BBS9: variants seen among roughly 807,000 people sequenced by gnomAD.
The protein encoded by BBS9 is protein PTHB1.
BBS9 carries 89 observed loss-of-function variants against 117.7 expected under a neutral mutation model. That is an observed-to-expected ratio of 0.76 (90% CI 0.64 to 0.90). The LOEUF (loss-of-function observed/expected upper bound fraction) is 0.90. BBS9 is among the 40% of genes least tolerant of loss of function. The pLI is 0.00. For missense variants in BBS9, 982 were observed against 1,042.2 expected (o/e 0.94, Z 0.80); for synonymous variants, 379 against 370.9 (o/e 1.02, Z -0.25).
At chr7:33,580,057 C>T (rs911065567) in intron 21 of BBS9, among the ~76,000 whole-genome samples, 2 of 151,852 alleles carry the variant, frequency 1.3e-5, no homozygotes, top group African/African-American at 4.8e-5. Flanking sequence ...CCTGGCATAT[C>T]CTTATGGGAA....
intron 21 of BBS9, among the ~76,000 whole-genome samples, chr7:33,543,347 C>G (rs1248553803): frequency 6.7e-6 from 1 of 150,244 alleles, no homozygotes; most frequent in Non-Finnish European, 1.5e-5. Flanking sequence ...GTCGTAGATT[C>G]TGGATATTAC....
chr7:33,344,247 A>G (rs868382223), intron 11 of BBS9, among the ~76,000 whole-genome samples: 3 of 150,008 alleles, frequency 2.0e-5, no homozygotes, highest in Middle Eastern at 3.5e-3. Context: ...GGGCCCGGCT[A>G]ATTTTTTGTA....
chr7:33,452,748 T>C (rs1018049527), intron 19 of BBS9, among the ~76,000 whole-genome samples: 1 of 152,206 alleles, frequency 6.6e-6, no homozygotes, highest in African/African-American at 2.4e-5. Context: ...GGGAACACAC[T>C]GTAGCAACAG....
intron 19 of BBS9, among the ~76,000 whole-genome samples, chr7:33,459,019 T>C (rs1248904797): frequency 2.6e-5 from 4 of 152,084 alleles, no homozygotes; most frequent in African/African-American, 9.7e-5. Context: ...GCCATGAGGC[T>C]TGTTGGCAGC....
At chr7:33,358,316 T>A (rs1256300995) in intron 16 of BBS9, among the ~76,000 whole-genome samples, 1 of 151,856 alleles carries the variant, frequency 6.6e-6, no homozygotes, top group Non-Finnish European at 1.5e-5. Flanking sequence ...TTCATCTTTA[T>A]GGTAGGTTTT....
chr7:33,529,570 G>T (rs187527767), intron 20 of BBS9, among the ~76,000 whole-genome samples: 1 of 152,252 alleles, frequency 6.6e-6, no homozygotes, highest in East Asian at 1.9e-4. Context: ...AGTGTAACAT[G>T]CACATTTAAC....
At chr7:33,345,516 A>G (rs1021050994) in intron 12 of BBS9, among the ~76,000 whole-genome samples, 30 of 152,282 alleles carry the variant, frequency 2.0e-4, no homozygotes, top group Non-Finnish European at 3.8e-4. Flanking sequence ...GGGTGGCCCA[A>G]ATGTGGAGAT....
intron 17 of BBS9, among the ~76,000 whole-genome samples, chr7:33,383,020 A>G (rs1333292581): frequency 2.0e-5 from 3 of 152,108 alleles, no homozygotes; most frequent in Non-Finnish European, 4.4e-5. Context: ...TGTTATTACC[A>G]CCTCTCTTAC....
chr7:33,593,714 T>G (rs1470845978), intron 21 of BBS9, among the ~76,000 whole-genome samples: 2 of 151,790 alleles, frequency 1.3e-5, no homozygotes, highest in African/African-American at 2.4e-5. Context: ...TGGTAGGGGG[T>G]CGCAATGCAC....
chr7:33,143,403 T>G (rs1418013410), intron 1 of BBS9, among the ~76,000 whole-genome samples: 1 of 152,186 alleles, frequency 6.6e-6, no homozygotes, highest in Non-Finnish European at 1.5e-5. Flanking sequence ...TGTTTTTTTC[T>G]TCTTGCAATC....
chr7:33,518,835 G>T (rs1004996552), intron 20 of BBS9, among the ~76,000 whole-genome samples: 2 of 152,120 alleles, frequency 1.3e-5, no homozygotes, highest in African/African-American at 4.8e-5. Context: ...ATCTTAGCTT[G>T]ATAGCTGTGA....
At chr7:33,247,078 A>G (rs1031652576) in intron 5 of BBS9, among the ~76,000 whole-genome samples, 3 of 151,160 alleles carry the variant, frequency 2.0e-5, no homozygotes, top group African/African-American at 7.3e-5. Flanking sequence ...GTGTATATGT[A>G]TGTGTGTGTG....
intron 5 of BBS9, among the ~76,000 whole-genome samples, chr7:33,233,527 G>A (rs1372708181): frequency 6.6e-6 from 1 of 152,080 alleles, no homozygotes; most frequent in Non-Finnish European, 1.5e-5. Context: ...AAGGAGGAAG[G>A]ACATTGTATT....
At chr7:33,624,416 A>G (rs1474882354) in intron 21 of BBS9, among the ~76,000 whole-genome samples, 1 of 152,142 alleles carries the variant, frequency 6.6e-6, no homozygotes, top group African/African-American at 2.4e-5. Flanking sequence ...TGCAGCTGTT[A>G]ACTTCTGAGC....
chr7:33,632,330 GA>G (rs1312474208), intron 21 of BBS9, among the ~76,000 whole-genome samples: 1 of 152,180 alleles, frequency 6.6e-6, no homozygotes, highest in Non-Finnish European at 1.5e-5. Context: ...ATGGTGGGGG[GA>G]TCGCTGCTTT....
chr7:33,233,926 A>T (rs1792970927), intron 5 of BBS9, among the ~76,000 whole-genome samples: 1 of 152,128 alleles, frequency 6.6e-6, no homozygotes, highest in African/African-American at 2.4e-5. Context: ...GTAGCCCAGA[A>T]ATATTAAATT....
At chr7:33,324,917 T>G (rs892149176) in intron 9 of BBS9, among the ~76,000 whole-genome samples, 1 of 152,192 alleles carries the variant, frequency 6.6e-6, no homozygotes, top group Non-Finnish European at 1.5e-5. Flanking sequence ...TCTTTATCCT[T>G]GCCTTTTGGA....
chr7:33,474,004 A>T (rs1362027530), intron 19 of BBS9, among the ~76,000 whole-genome samples: 1 of 152,230 alleles, frequency 6.6e-6, no homozygotes, highest in Non-Finnish European at 1.5e-5. Flanking sequence ...CACTTTGAAG[A>T]TTTTAAATAT....
chr7:33,135,403 A>G (rs1790303421), intron 1 of BBS9, among the ~76,000 whole-genome samples: 5 of 152,234 alleles, frequency 3.3e-5, no homozygotes, highest in Admixed American at 3.3e-4. Flanking sequence ...ATTCTTCTGC[A>G]TGTCACTATT....
Sources: gnomAD v4.1 joint callset for allele counts (sites outside exome capture counted in the v4.1 genomes callset) on GRCh38, gnomAD v4.1.1 for gene constraint, MANE v1.5 for transcripts, NCBI Gene and HGNC (gene_info 2026-07-23, HGNC 2026-07-21) for gene names.